NTN1: variants seen among roughly 807,000 people sequenced by gnomAD.
NTN1 encodes the protein netrin 1.
NTN1 carries 11 observed loss-of-function variants against 54.2 expected under a neutral mutation model. That is an observed-to-expected ratio of 0.20 (90% CI 0.13 to 0.34). The LOEUF is 0.34. NTN1 is among the 10% of genes least tolerant of loss of function. NTN1 has a pLI of 1.00. For missense variants in NTN1, 740 were observed against 893.1 expected (o/e 0.83, Z 2.18); for synonymous variants, 371 against 382.0 (o/e 0.97, Z 0.33).
At chr17:9,037,022 T>G (rs778200044) in intron 2 of NTN1, among the ~76,000 whole-genome samples, 42 of 152,308 alleles carry the variant, frequency 2.8e-4, no homozygotes, top group Non-Finnish European at 5.1e-4. Context: ...TCTTCTCTCT[T>G]TAAATCATGA....
chr17:9,068,640 C>G (rs1318996443), intron 2 of NTN1, among the ~76,000 whole-genome samples: 1 of 151,838 alleles, frequency 6.6e-6, no homozygotes, highest in Non-Finnish European at 1.5e-5. Context: ...TCCCGAGTAG[C>G]TGGGATTACA....
intron 2 of NTN1, among the ~76,000 whole-genome samples, chr17:9,091,282 C>T (rs551790693): frequency 6.6e-5 from 10 of 152,014 alleles, no homozygotes; most frequent in Non-Finnish European, 1.5e-4. Context: ...GAGACAGGGT[C>T]TCGCCCTCTC....
intron 2 of NTN1, among the ~76,000 whole-genome samples, chr17:9,154,830 T>A (rs979084505): frequency 3.3e-5 from 5 of 152,216 alleles, no homozygotes; most frequent in African/African-American, 9.7e-5. Flanking sequence ...GAGAAATTTC[T>A]CTTGAAACCA....
chr17:9,005,687 G>T, the NTN1 span, among the ~76,000 whole-genome samples: 1 of 152,142 alleles, frequency 6.6e-6, no homozygotes, highest in East Asian at 1.9e-4. Flanking sequence ...CAGTCTTTTC[G>T]GTGTCCTCCC....
At chr17:9,070,055 G>A (rs1221117188) in intron 2 of NTN1, among the ~76,000 whole-genome samples, 2 of 152,140 alleles carry the variant, frequency 1.3e-5, no homozygotes, top group South Asian at 2.1e-4. Flanking sequence ...CTTCTTCTTC[G>A]TAGGTTGTGT....
intron 5 of NTN1, among the ~76,000 whole-genome samples, 192 bp from the exon 6 acceptor site, chr17:9,220,976 G>A (rs541504242): frequency 6.6e-6 from 1 of 151,588 alleles, no homozygotes; most frequent in Non-Finnish European, 1.5e-5. Context: ...TGGGTCGGAC[G>A]GGGGCCCTTT....
intron 2 of NTN1, among the ~76,000 whole-genome samples, chr17:9,122,599 C>T (rs2092234733): frequency 1.3e-5 from 2 of 152,180 alleles, no homozygotes; most frequent in Admixed American, 1.3e-4. Flanking sequence ...GCTTTTGTTT[C>T]TGCTTAAACT....
chr17:9,230,448 A>ACCCC (rs35782280), intron 6 of NTN1, among the ~76,000 whole-genome samples: 237 of 56,228 alleles, frequency 4.2e-3, no homozygotes, highest in African/African-American at 0.024. Context: ...ACCAGATGTG[A>ACCCC]CCCCCCCCCC....
chr17:9,160,465 G>T (rs1567724807), intron 2 of NTN1, among the ~76,000 whole-genome samples: 1 of 151,474 alleles, frequency 6.6e-6, no homozygotes, highest in Non-Finnish European at 1.5e-5. Context: ...TCATTATTAT[G>T]AAAAAAAACC....
At chr17:9,147,491 G>A (rs1029425588) in intron 2 of NTN1, among the ~76,000 whole-genome samples, 1 of 152,186 alleles carries the variant, frequency 6.6e-6, no homozygotes, top group African/African-American at 2.4e-5. Context: ...TCCAGCCTGG[G>A]CGACAGAGAG....
intron 2 of NTN1, among the ~76,000 whole-genome samples, chr17:9,030,390 C>T (rs1225898117): frequency 6.6e-6 from 1 of 152,226 alleles, no homozygotes; most frequent in African/African-American, 2.4e-5. Context: ...GTACTAACTA[C>T]AGTTAGGGTG....
chr17:9,141,912 A>C (rs933140233), intron 2 of NTN1, among the ~76,000 whole-genome samples: 1 of 152,038 alleles, frequency 6.6e-6, no homozygotes, highest in Non-Finnish European at 1.5e-5. Flanking sequence ...AACTACAAAA[A>C]TTAGCTGGGC....
At position 9,163,021 on chromosome 17, in the gene NTN1, G is replaced by C; in HGVS notation, c.1207+20G>C. 1.3e-6 allele frequency: 2 copies of C among 1,578,624 alleles called. No homozygotes were observed. Among genetic ancestry groups the C allele is most frequent in the African/African-American group, 2.7e-5 (2 of 74,392 alleles). On this transcript the variant is annotated intron_variant, in intron 3 of 6. Transcript: ENST00000173229. The stretch of plus-strand genomic sequence containing the variant: ...GCAAAGGTGGGCTACACGTGGCGGG[G>C]CGGGGGGCTGGGGAGACCCGGGGAA...
rs2092371869 is a variant in NTN1 at position 9,165,976 on chromosome 17, C to A, written c.1207+2975C>A. ...AAAGACATCTCTGGAAAGTCCAGAT[C>A]TTTCCCCTCAGCTCTTTCCTTTCCT... On this transcript the variant is annotated intron_variant, in intron 3 of 6. Coordinates refer to ENST00000173229, the MANE Select transcript of NTN1 (RefSeq NM_004822.3). The surrounding 1 kb of genome is among the most constrained non-coding windows in gnomAD (Gnocchi z 4.5). Among the ~76,000 whole-genome samples the A allele has an allele frequency of 1.3e-5, 2 of 152,214 alleles. No individual in the cohort carries two copies. Among genetic ancestry groups the A allele is most frequent in the Admixed American group, 1.3e-4 (2 of 15,284 alleles).
chr17:9,092,846 C>T (rs936808663), intron 2 of NTN1, among the ~76,000 whole-genome samples: 1 of 152,134 alleles, frequency 6.6e-6, no homozygotes, highest in Admixed American at 6.5e-5. Context: ...GCAAGCTCCG[C>T]CTCCCAGGTT....
chr17:9,130,028 G>C (rs1339708578), intron 2 of NTN1, among the ~76,000 whole-genome samples: 1 of 152,168 alleles, frequency 6.6e-6, no homozygotes, highest in Non-Finnish European at 1.5e-5. Flanking sequence ...TGGTGATAAG[G>C]GACCCTGTGA....
At chr17:9,075,612 GGACGGCCTGTCAGCCTCTCCAA>G (rs2024870049) in intron 2 of NTN1, among the ~76,000 whole-genome samples, 1 of 152,234 alleles carries the variant, frequency 6.6e-6, no homozygotes. Flanking sequence ...GAATGAAAGG[GGACGGCCTGTCAGCCTCTCCAA>G]GCTCATCGTC....
At chr17:9,124,063 C>T (rs2092238853) in intron 2 of NTN1, among the ~76,000 whole-genome samples, 1 of 152,152 alleles carries the variant, frequency 6.6e-6, no homozygotes, top group South Asian at 2.1e-4. Context: ...GTCCCCTGAC[C>T]CCAACCATCA....
At chr17:9,202,057 A>ACACACACACACACAC (rs1567737148) in intron 5 of NTN1, among the ~76,000 whole-genome samples, 1 of 19,438 alleles carries the variant, frequency 5.1e-5, no homozygotes, top group Non-Finnish European at 7.8e-5. Context: ...CACACACACA[A>ACACACACACACACAC]AAAAAAAAAA....
Sources: gnomAD v4.1 joint callset for allele counts (sites outside exome capture counted in the v4.1 genomes callset) on GRCh38, gnomAD v4.1.1 for gene constraint, Gnocchi (gnomAD v3.1) non-coding constraint, MANE v1.5 for transcripts, NCBI Gene and HGNC (gene_info 2026-07-23, HGNC 2026-07-21) for gene names.